DERA: variants seen among roughly 807,000 people sequenced by gnomAD.
The protein encoded by DERA is 2-deoxy-D-ribose 5-phosphate aldolase.
DERA carries 15 observed loss-of-function variants against 41.1 expected under a neutral mutation model. The observed-to-expected ratio is 0.37, with a 90% CI of 0.24 to 0.56. The LOEUF is 0.56. DERA is among the 20% of genes least tolerant of loss of function. The pLI, the probability that DERA is intolerant of heterozygous loss-of-function variation, is 0.81. For missense variants in DERA, 396 were observed against 403.4 expected, an observed-to-expected ratio of 0.98 and a Z score of 0.16; for synonymous variants, 139 against 137.4, an observed-to-expected ratio of 1.01 and a Z score of -0.08.
chr12:15,972,174 C>A lies in DERA; in HGVS notation c.508+9227C>A. ...CAGATAGTAGATGCAGGTGGTGCAG[C>A]AGCCATCGTTGTTGAGGTGTCCACA... On this transcript the variant is annotated intron_variant, in intron 5 of 8. Coordinates refer to ENST00000428559, the MANE Select transcript of DERA (RefSeq NM_015954.4). The surrounding 1 kb of genome is among the most constrained non-coding windows in gnomAD (Gnocchi z 4.4). 6.0e-6 allele frequency: 1 copy of A among 167,448 alleles called. No individual in the cohort carries two copies. The highest frequency in any genetic ancestry group is 1.3e-5 in the Non-Finnish European group (1 of 76,358). The allele number at this position is 167,448 out of a possible 1,614,324, so 10.4% of individuals were successfully genotyped here.
At chr12:15,917,366 A>G (rs1948208216) in intron 1 of DERA, among the ~76,000 whole-genome samples, 1 of 152,248 alleles carries the variant, frequency 6.6e-6, no homozygotes, top group Admixed American at 6.5e-5. Flanking sequence ...TTCTTTAAAC[A>G]ATAAAATTGA....
rs1288755257 is a variant in DERA at position 16,010,545 on chromosome 12, A to G, written c.638-21997A>G. Reference sequence around the variant, plus strand: ...AGGTCTCCGGTGGTCGCCAAGTGAAAAGGAATAAAGATAAAAATGAAGGCG... The same window carrying G: ...AGGTCTCCGGTGGTCGCCAAGTGAAGAGGAATAAAGATAAAAATGAAGGCG... On this transcript the variant is annotated intron_variant, in intron 6 of 8. Transcript: ENST00000428559. This position sits in a 1 kb window ranked among gnomAD's most constrained non-coding sequence, Gnocchi z 5.5. Among the ~76,000 whole-genome samples, 1 of 147,644 alleles carries G rather than the reference A, an allele frequency of 6.8e-6. No homozygotes were observed. The highest frequency in any genetic ancestry group is 1.5e-5 in the Non-Finnish European group (1 of 66,630).
chr12:15,945,028 T>C (rs575080881), intron 1 of DERA, among the ~76,000 whole-genome samples: 46 of 152,358 alleles, frequency 3.0e-4, no homozygotes, highest in African/African-American at 1.1e-3. Context: ...TTGTCAAAGA[T>C]TAGATGATTG....
chr12:15,988,781 ATGT>A lies in DERA; in HGVS notation c.637+6349_637+6351del, dbSNP rs1383846320. ...CTGTCTGCCTCCCACCACCATCATC[ATGT>A]TGTCCACGGCACCCAGGCTATTCAC... On this transcript the variant is annotated intron_variant, in intron 6 of 8. Transcript: ENST00000428559. The surrounding 1 kb of genome is among the most constrained non-coding windows in gnomAD (Gnocchi z 6.0). Among the ~76,000 whole-genome samples, 3 of 151,924 alleles carry A rather than the reference ATGT, an allele frequency of 2.0e-5. No individual in the cohort carries two copies. Among genetic ancestry groups the A allele is most frequent in the Non-Finnish European group, 2.9e-5 (2 of 67,954 alleles).
Position 15,981,874 on chromosome 12 carries a change from C to T in DERA, c.509-434C>T, listed in dbSNP as rs200419289. On this transcript the variant is annotated intron_variant, in intron 5 of 8. Transcript: ENST00000428559. The surrounding 1 kb of genome is among the most constrained non-coding windows in gnomAD (Gnocchi z 6.1). ...CTCTCAAGAAAGGTGTGCTTTATAT[C>T]CAACCAAAGAACCTATTACTTGTGA... Among the ~76,000 whole-genome samples the T allele has an allele frequency of 2.1e-5, 3 of 140,614 alleles. No individual in the cohort carries two copies. In the South Asian group the frequency reaches 6.9e-4, roughly 33 times the overall value. The allele number at this position is 140,614 out of a possible 152,430, so 92.2% of individuals were successfully genotyped here.
rs546834290 is a variant in DERA, at chr12:15,994,819, A to G, written c.637+12383A>G. On this transcript the variant is annotated intron_variant, in intron 6 of 8. Transcript: ENST00000428559. The surrounding 1 kb of genome is among the most constrained non-coding windows in gnomAD (Gnocchi z 4.8). ...GATCCCTCAGTATATTGTACCAGGTAGATGCTTGATTATGCATATTTATTG... is the reference window on the plus strand; with the variant it reads ...GATCCCTCAGTATATTGTACCAGGTGGATGCTTGATTATGCATATTTATTG... 4.3e-4 allele frequency among the ~76,000 whole-genome samples: 66 copies of G among 152,376 alleles called. No homozygotes were observed. Among genetic ancestry groups the G allele is most frequent in the African/African-American group, 1.5e-3 (64 of 41,596 alleles).
Position 15,918,618 on chromosome 12 carries a change from G to A in DERA, c.31+7204G>A, listed in dbSNP as rs1387493780. Among the ~76,000 whole-genome samples, 3 of 152,196 alleles carry A rather than the reference G, an allele frequency of 2.0e-5. No homozygotes were observed. Among genetic ancestry groups the A allele is most frequent in the Non-Finnish European group, 2.9e-5 (2 of 68,038 alleles). The stretch of plus-strand genomic sequence containing the variant: ...TTAAAAACCTTTATGTGGAGTGCCT[G>A]CTGTTCCTGGCACTTGTTACTTGCT... On this transcript the variant is annotated intron_variant, in intron 1 of 8. Transcript: ENST00000428559. The surrounding 1 kb of genome is among the most constrained non-coding windows in gnomAD (Gnocchi z 4.3).
rs1949120314 is a variant in DERA at position 16,035,367 on chromosome 12, A to C, written c.751-865A>C. Among the ~76,000 whole-genome samples the C allele has an allele frequency of 6.6e-6, 1 of 152,212 alleles. No homozygotes were observed. Among genetic ancestry groups the C allele is most frequent in the Admixed American group, 6.5e-5 (1 of 15,282 alleles). On this transcript the variant is annotated intron_variant, in intron 7 of 8. Transcript: ENST00000428559. The surrounding 1 kb of genome is among the most constrained non-coding windows in gnomAD (Gnocchi z 4.1). ...CTGAGTGATAAAACGTGAGAGATTT[A>C]GTACTCAGGCTCTGAGGTGTTGTTT... is the stretch of plus-strand genomic sequence containing the variant.
At chr12:15,929,729 A>G (rs1283071169) in intron 1 of DERA, among the ~76,000 whole-genome samples, 5 of 152,240 alleles carry the variant, frequency 3.3e-5, no homozygotes, top group Non-Finnish European at 7.3e-5. Context: ...GTACATATAC[A>G]GTATGTACAT....
rs1948251384 is a variant in DERA, at chr12:15,922,499, C to T, written c.31+11085C>T. ...ACTAATATAGAGAAATTTTGGGACA[C>T]AGTGATTAGCATGTAGAGTCTAGAA... On this transcript the variant is annotated intron_variant, in intron 1 of 8. Coordinates refer to ENST00000428559, the MANE Select transcript of DERA (RefSeq NM_015954.4). This position sits in a 1 kb window ranked among gnomAD's most constrained non-coding sequence, Gnocchi z 4.9. Among the ~76,000 whole-genome samples the T allele has an allele frequency of 6.6e-6, 1 of 152,146 alleles. No homozygotes were observed. Among genetic ancestry groups the T allele is most frequent in the African/African-American group, 2.4e-5 (1 of 41,436 alleles).
intron 1 of DERA, among the ~76,000 whole-genome samples, chr12:15,914,407 A>AG (rs1325151181): frequency 6.6e-6 from 1 of 151,540 alleles, no homozygotes; most frequent in Non-Finnish European, 1.5e-5. Flanking sequence ...AAAAAAAAAA[A>AG]AAAAAGAAAA....
rs952798636 is a variant in DERA at position 15,931,723 on chromosome 12, A to G, written c.31+20309A>G. ...GGGCCTAGTGAGAGGTCTTTGGGTC[A>G]TGTAGGTGGATTTATGTGAACAGAT... On this transcript the variant is annotated intron_variant, in intron 1 of 8. Coordinates refer to ENST00000428559, the MANE Select transcript of DERA (RefSeq NM_015954.4). The surrounding 1 kb of genome is among the most constrained non-coding windows in gnomAD (Gnocchi z 4.6). Among the ~76,000 whole-genome samples, 3 of 152,172 alleles carry G rather than the reference A, an allele frequency of 2.0e-5. No homozygotes were observed. Among genetic ancestry groups the G allele is most frequent in the Non-Finnish European group, 4.4e-5 (3 of 68,032 alleles).
At position 15,992,318 on chromosome 12, in the gene DERA, T is replaced by A. The variant is rs78382663; in HGVS notation, c.637+9882T>A. 1.6e-3 allele frequency among the ~76,000 whole-genome samples: 248 copies of A among 152,274 alleles called. 2 individuals carry two copies. The East Asian group carries it at 0.018, about 11-fold the overall frequency. Reference sequence around the variant, plus strand: ...GCCAAAATCTTGTAGAATTTGAACATGTTATTTTAGAGGGCAACTCTTATT... The same window carrying A: ...GCCAAAATCTTGTAGAATTTGAACAAGTTATTTTAGAGGGCAACTCTTATT... On this transcript the variant is annotated intron_variant, in intron 6 of 8. Coordinates refer to ENST00000428559, the MANE Select transcript of DERA (RefSeq NM_015954.4). The surrounding 1 kb of genome is among the most constrained non-coding windows in gnomAD (Gnocchi z 4.3).
In DERA at chr12:16,017,445, C is replaced by G. The variant is rs1324552471; in HGVS notation, c.638-15097C>G. Among the ~76,000 whole-genome samples the G allele has an allele frequency of 6.6e-6, 1 of 152,186 alleles. No individual in the cohort carries two copies. The highest frequency in any genetic ancestry group is 1.5e-5 in the Non-Finnish European group (1 of 68,028). On this transcript the variant is annotated intron_variant, in intron 6 of 8. Coordinates refer to ENST00000428559, the MANE Select transcript of DERA (RefSeq NM_015954.4). The surrounding 1 kb of genome is among the most constrained non-coding windows in gnomAD (Gnocchi z 5.5). ...TTCTTTCTCTCTTTCTCTTTACCCC[C>G]TTTCTCACATGGGTAGCTAATTATC...
intron 1 of DERA, among the ~76,000 whole-genome samples, chr12:15,937,900 T>G (rs1040662918): frequency 6.6e-6 from 1 of 152,222 alleles, no homozygotes; most frequent in Admixed American, 6.5e-5. Context: ...CATCAAATAT[T>G]TGTAGAACAT....
chr12:15,993,031 A>C lies in DERA; in HGVS notation c.637+10595A>C, dbSNP rs1948812345. ...AAAAGCAGACCTTGAAGGAATACAA[A>C]ATGAGTTTTGAACTTGGCTGGAATT... On this transcript the variant is annotated intron_variant, in intron 6 of 8. Coordinates refer to ENST00000428559, the MANE Select transcript of DERA (RefSeq NM_015954.4). The surrounding 1 kb of genome is among the most constrained non-coding windows in gnomAD (Gnocchi z 4.4). Among the ~76,000 whole-genome samples the C allele has an allele frequency of 6.6e-6, 1 of 152,190 alleles. No individual in the cohort carries two copies. The highest frequency in any genetic ancestry group is 6.5e-5 in the Admixed American group (1 of 15,280).
At chr12:15,991,703 T>C (rs74065539) in intron 6 of DERA, among the ~76,000 whole-genome samples, 8,086 of 152,232 alleles carry the variant, frequency 0.053, 691 homozygotes, top group African/African-American at 0.18. Context: ...GGACAGTGTT[T>C]CGATGATCTA....
In DERA at chr12:15,954,044, G is replaced by A. The variant is rs1199404861; in HGVS notation, c.32-2892G>A. 6.6e-6 allele frequency among the ~76,000 whole-genome samples: 1 copy of A among 152,170 alleles called. No individual in the cohort carries two copies. Among genetic ancestry groups the A allele is most frequent in the Non-Finnish European group, 1.5e-5 (1 of 68,028 alleles). ...ACATTCTCCAGTAGATGGTTTGCAG[G>A]GACCTCTGGCAAGAGGTTTCTGAGA... On this transcript the variant is annotated intron_variant, in intron 1 of 8. Coordinates refer to ENST00000428559, the MANE Select transcript of DERA (RefSeq NM_015954.4). The surrounding 1 kb of genome is among the most constrained non-coding windows in gnomAD (Gnocchi z 4.0).
At chr12:15,917,721 T>C (rs2136122790) in intron 1 of DERA, among the ~76,000 whole-genome samples, 1 of 152,326 alleles carries the variant, frequency 6.6e-6, no homozygotes, top group East Asian at 1.9e-4. Flanking sequence ...TGAAGTGGTT[T>C]TGTGGAGGAC....
Sources: gnomAD v4.1 joint callset for allele counts (sites outside exome capture counted in the v4.1 genomes callset) on GRCh38, gnomAD v4.1.1 for gene constraint, Gnocchi (gnomAD v3.1) non-coding constraint, MANE v1.5 for transcripts, NCBI Gene and HGNC (gene_info 2026-07-23, HGNC 2026-07-21) for gene names.